The following CCDC57 variants were observed in gnomAD, a reference collection of about 807,000 sequenced individuals.
CCDC57 encodes the protein coiled-coil domain-containing protein 57.
Under a neutral mutation model 118.9 loss-of-function variants are expected in CCDC57, and 118 were observed. The ratio of observed to expected loss-of-function variants is 0.99; its 90% CI spans 0.86 to 1.16. The LOEUF (loss-of-function observed/expected upper bound fraction) is 1.16. Among genes scored for constraint, CCDC57 ranks in the 50% most tolerant of loss-of-function variants. The probability of loss-of-function intolerance (pLI) is 0.00; values close to 1 mark genes in which losing one functional copy is unlikely to be tolerated. For synonymous variants in CCDC57, 527 were observed against 532.9 expected (o/e 0.99, Z 0.15); for missense variants, 1,300 against 1,320.7 (o/e 0.98, Z 0.24).
At chr17:82,107,135 G>C (rs1426033201) in intron 19 of CCDC57, among the ~76,000 whole-genome samples, 1 of 152,236 alleles carries the variant, frequency 6.6e-6, no homozygotes, top group African/African-American at 2.4e-5. Context: ...TGCCCGACCT[G>C]CTCAGGACAC....
At position 82,179,203 on chromosome 17, in the gene CCDC57, C is replaced by G. The variant is rs1599198378; in HGVS notation, c.1212-14G>C. On this transcript the variant is annotated splice_polypyrimidine_tract_variant and intron_variant, in intron 9 of 19. Transcript: ENST00000665763. Reference sequence around the variant, plus strand: ...TGTTGCTTGTACCTAAGGACACGTCCAACCGCTCAGCATTAATGCTTCCTG... The same window carrying G: ...TGTTGCTTGTACCTAAGGACACGTCGAACCGCTCAGCATTAATGCTTCCTG... 3 of 1,609,954 alleles carry G rather than the reference C, an allele frequency of 1.9e-6. No homozygotes were observed. In the East Asian group the frequency reaches 6.7e-5, roughly 36 times the overall value.
rs2038743957 is a variant in CCDC57 at position 82,133,582 on chromosome 17, T to C, written c.2577+491A>G. On this transcript the variant is annotated intron_variant, in intron 17 of 19. Coordinates refer to ENST00000665763, the Ensembl canonical transcript of CCDC57. ...TGAAAAAATAAAAAAAAATGGGGGC[T>C]GGGCGCGGTGGTTCATGCCTGTAAT... Among the ~76,000 whole-genome samples, 3 of 151,110 alleles carry C rather than the reference T, an allele frequency of 2.0e-5. No homozygotes were observed. In the South Asian group the frequency reaches 6.3e-4, roughly 32 times the overall value.
At chr17:82,160,873 C>CAAAAA (rs55750984) in intron 14 of CCDC57, among the ~76,000 whole-genome samples, 38 of 60,746 alleles carry the variant, frequency 6.3e-4, no homozygotes, top group South Asian at 1.5e-3. Context: ...GACTCTGTCT[C>CAAAAA]AAAAAAAAAA....
At chr17:82,150,439 A>T (rs1328046814) in intron 16 of CCDC57, among the ~76,000 whole-genome samples, 2 of 119,476 alleles carry the variant, frequency 1.7e-5, no homozygotes, top group African/African-American at 6.4e-5. Context: ...ACCTAGAACC[A>T]GGCACACACC....
intron 9 of CCDC57, among the ~76,000 whole-genome samples, chr17:82,182,978 A>G (rs1416732469): frequency 6.6e-6 from 1 of 151,766 alleles, no homozygotes; most frequent in Non-Finnish European, 1.5e-5. Flanking sequence ...GAGCCATCAC[A>G]CCCGGCCCAC....
exon 3 of CCDC57, chr17:82,201,952 G>A (rs779353831): frequency 1.3e-5 from 20 of 1,581,994 alleles, no homozygotes; most frequent in South Asian, 9.0e-5. Flanking sequence ...CATGGTGGCC[G>A]CTGCAGTAAA....
chr17:82,128,384 A>C, intron 18 of CCDC57, 109 bp downstream of exon 17: 1 of 696,376 alleles, frequency 1.4e-6, no homozygotes, highest in Non-Finnish European at 2.4e-6. Flanking sequence ...GCACAAAGGC[A>C]GGCATGCAGA....
Position 82,199,714 on chromosome 17 carries a change from G to A in CCDC57, c.408-1292C>T, listed in dbSNP as rs544172114. ...CTGCACGCACCTGCACGGACTCGGC[G>A]CCCAGACGAGGTGCAGGCTGAGCAC... On this transcript the variant is annotated intron_variant, in intron 3 of 19. Coordinates refer to ENST00000665763, the Ensembl canonical transcript of CCDC57. 1.0e-3 allele frequency among the ~76,000 whole-genome samples: 152 copies of A among 152,234 alleles called. 1 individual carries two copies. The highest frequency in any genetic ancestry group is 3.5e-3 in the African/African-American group (146 of 41,554).
intron 11 of CCDC57, among the ~76,000 whole-genome samples, chr17:82,176,408 C>G (rs1284063965): frequency 1.3e-5 from 2 of 152,218 alleles, no homozygotes; most frequent in African/African-American, 2.4e-5. Context: ...TTAGAAGAAC[C>G]TGTTCTCCCT....
chr17:82,150,655 A>T (rs1469414587), intron 16 of CCDC57, among the ~76,000 whole-genome samples: 2 of 52,614 alleles, frequency 3.8e-5, no homozygotes, highest in South Asian at 1.1e-3. Context: ...ACCCAGAACC[A>T]GGCGCACACC....
At chr17:82,114,343 A>C (rs2144970947) in intron 19 of CCDC57, among the ~76,000 whole-genome samples, 1 of 145,696 alleles carries the variant, frequency 6.9e-6, no homozygotes, top group East Asian at 2.0e-4. Flanking sequence ...TGGCTGGGTG[A>C]GGGGGGAGGG....
In CCDC57 at chr17:82,212,395, C is replaced by CT. The variant is rs764385537; in HGVS notation, c.-211+389dup. ...ACCGCCTCCGGCCTTTTTTTTTCCTCTCTTTTTTTTTTTTTTTTTTTAAAC... is the reference window on the plus strand; with the variant it reads ...ACCGCCTCCGGCCTTTTTTTTTCCTCTTCTTTTTTTTTTTTTTTTTTTAAAC... On this transcript the variant is annotated intron_variant, in intron 1 of 19. Transcript: ENST00000665763. The surrounding 1 kb of genome is among the most constrained non-coding windows in gnomAD (Gnocchi z 4.1). 0.41 allele frequency among the ~76,000 whole-genome samples: 54,896 copies of CT among 133,564 alleles called. 12,190 individuals carry two copies. The highest frequency in any genetic ancestry group is 0.85 in the East Asian group (3,861 of 4,548). 87.6% of individuals were successfully genotyped at this position (133,564 alleles called of 152,430 possible).
At chr17:82,102,498 CTTT>C (rs1373041599) in intron 19 of CCDC57, among the ~76,000 whole-genome samples, 2 of 152,230 alleles carry the variant, frequency 1.3e-5, no homozygotes, top group African/African-American at 2.4e-5. Flanking sequence ...AGGTGATCTT[CTTT>C]ATCTGGCCAG....
At chr17:82,147,735 GGGTGGATGGTA>G in intron 16 of CCDC57, among the ~76,000 whole-genome samples, 1 of 141,260 alleles carries the variant, frequency 7.1e-6, no homozygotes, top group African/African-American at 2.6e-5. Flanking sequence ...ATGGATGGGT[GGGTGGATGGTA>G]GATGGATGGA....
At chr17:82,122,137 C>T (rs1292549744) in intron 19 of CCDC57, among the ~76,000 whole-genome samples, 1 of 152,232 alleles carries the variant, frequency 6.6e-6, no homozygotes, top group Non-Finnish European at 1.5e-5. Flanking sequence ...TTACAACCCA[C>T]TTTCTCAAGC....
intron 4 of CCDC57, among the ~76,000 whole-genome samples, chr17:82,197,313 G>C (rs1444006984): frequency 6.6e-6 from 1 of 152,224 alleles, no homozygotes; most frequent in Non-Finnish European, 1.5e-5. Context: ...TAAACCTGCA[G>C]AGATGCAGCC....
intron 19 of CCDC57, among the ~76,000 whole-genome samples, chr17:82,123,982 C>CAAAAAAA (rs200031813): frequency 0.025 from 1,455 of 58,546 alleles, no homozygotes; most frequent in Non-Finnish European, 0.029. Context: ...CATCCAAAAG[C>CAAAAAAA]AAAAAAAAAA....
At chr17:82,124,736 C>T (rs557246360) in intron 19 of CCDC57, among the ~76,000 whole-genome samples, 2 of 151,878 alleles carry the variant, frequency 1.3e-5, no homozygotes, top group East Asian at 3.9e-4. Context: ...GTCAAGGCTG[C>T]AGTGAGCTGA....
intron 13 of CCDC57, 24 bp downstream of exon 12, chr17:82,171,677 T>G: frequency 6.2e-7 from 1 of 1,601,504 alleles, no homozygotes; most frequent in Non-Finnish European, 8.5e-7. Context: ...GGACAGCAAG[T>G]ACCCCACTGA....
Sources: gnomAD v4.1 joint callset for allele counts (sites outside exome capture counted in the v4.1 genomes callset) on GRCh38, gnomAD v4.1.1 for gene constraint, Gnocchi (gnomAD v3.1) non-coding constraint, MANE v1.5 for transcripts, NCBI Gene and HGNC (gene_info 2026-07-23, HGNC 2026-07-21) for gene names.